The following ECD variants were observed in gnomAD, a reference collection of about 807,000 sequenced individuals.
The protein encoded by ECD is protein ecdysoneless homolog.
Under a neutral mutation model 77.2 loss-of-function variants are expected in ECD, and 59 were observed. That is an observed-to-expected ratio of 0.76 (90% CI 0.62 to 0.95). ECD has a LOEUF of 0.95. Among genes scored for constraint, ECD ranks in the 40% least tolerant of loss-of-function variants. The pLI, the probability that ECD is intolerant of heterozygous loss-of-function variation, is 0.00. For synonymous variants in ECD, 233 were observed against 267.4 expected (o/e 0.87, Z 1.26); for missense variants, 704 against 763.4 (o/e 0.92, Z 0.92).
intron 9 of ECD, among the ~76,000 whole-genome samples, chr10:73,141,703 C>T (rs1843060769): frequency 6.6e-6 from 1 of 151,920 alleles, no homozygotes. Flanking sequence ...TTTATTTTGC[C>T]TTTTGTTATG....
chr10:73,157,345 C>T (rs1226324482), intron 3 of ECD, among the ~76,000 whole-genome samples: 4 of 151,618 alleles, frequency 2.6e-5, no homozygotes, highest in African/African-American at 4.8e-5. Context: ...CCACCACGCC[C>T]GGCCCGTATC....
In ECD at chr10:73,163,820, C is replaced by T. The variant is rs534986528; in HGVS notation, c.118G>A (p.Glu40Lys). ...KHKEILQKYI[E>K]RIITRFAPML... ...GGTGCAAACCGAGTGATTATTCTCT[C>T]AATGTACTTCTGAAGAATCTCTTTA... is the stretch of plus-strand genomic sequence containing the variant. Residue 40 changes from glutamate to lysine, a missense_variant, in exon 2 of 14, where the codon GAG becomes AAG. Glu to Lys is a moderately conservative substitution (Grantham distance 56, BLOSUM62 1). Coordinates refer to ENST00000372979, the MANE Select transcript of ECD (RefSeq NM_007265.3). 3.7e-6 allele frequency: 6 copies of T among 1,614,150 alleles called. No individual in the cohort carries two copies. Among genetic ancestry groups the T allele is most frequent in the Admixed American group, 3.3e-5 (2 of 60,000 alleles).
At position 73,156,260 on chromosome 10, in the gene ECD, T is replaced by G; in HGVS notation, c.590+15A>C. On this transcript the variant is annotated intron_variant, in intron 5 of 13. Coordinates refer to ENST00000372979, the MANE Select transcript of ECD (RefSeq NM_007265.3). ...AAGGTTCCTTAATTAGCAATGAAAG[T>G]GATATTTTTCTTACCCTCTGATGCG... 6.5e-7 allele frequency: 1 copy of G among 1,545,684 alleles called. No individual in the cohort carries two copies. The highest frequency in any genetic ancestry group is 8.7e-7 in the Non-Finnish European group (1 of 1,151,974).
intron 11 of ECD, among the ~76,000 whole-genome samples, chr10:73,138,720 C>T (rs12247503): frequency 1.3e-5 from 2 of 152,108 alleles, no homozygotes; most frequent in African/African-American, 2.4e-5. Context: ...GCGTGCGCCA[C>T]CATACCCGGC....
chr10:73,142,755 C>G (rs145023978), intron 9 of ECD, among the ~76,000 whole-genome samples: 362 of 152,090 alleles, frequency 2.4e-3, no homozygotes, highest in African/African-American at 8.5e-3. Context: ...TATACTTCGG[C>G]ACTTTTCTCT....
Position 73,163,337 on chromosome 10 carries a change from A to G in ECD, c.205+396T>C, listed in dbSNP as rs144626631. 2.5e-3 allele frequency among the ~76,000 whole-genome samples: 374 copies of G among 152,318 alleles called. 8 individuals are homozygous for G. Among genetic ancestry groups the G allele is most frequent in the African/African-American group, 8.2e-3 (339 of 41,578 alleles). ...ATCCTCACCAAAATGGCTATATGAA[A>G]CAAGGCAGCCTACCAAACACATCAC... On this transcript the variant is annotated intron_variant, in intron 2 of 13. Coordinates refer to ENST00000372979, the MANE Select transcript of ECD (RefSeq NM_007265.3).
In ECD at chr10:73,163,804, C is replaced by T. The variant is rs3812619; in HGVS notation, c.134G>A (p.Arg45Gln). The T allele has an allele frequency of 0.096, 154,978 of 1,613,782 alleles. 12,414 individuals are homozygous for T. Among genetic ancestry groups the T allele is most frequent in the African/African-American group, 0.34 (25,500 of 74,884 alleles). The change falls in exon 2 of 14, where the codon CGG becomes CAG. Residue 45 changes from arginine (R) to glutamine (Q), a missense_variant. By Grantham distance (43) the Arg-to-Gln change is conservative. Coordinates refer to ENST00000372979, the MANE Select transcript of ECD (RefSeq NM_007265.3). ...GTAGGGGACCAGCATAGGTGCAAAC[C>T]GAGTGATTATTCTCTCAATGTACTT... ...LQKYIERIITRFAPMLVPYIW... is the reference protein window; with the variant it reads ...LQKYIERIITQFAPMLVPYIW...
chr10:73,161,908 A>G (rs1843385793), intron 2 of ECD, among the ~76,000 whole-genome samples: 1 of 152,234 alleles, frequency 6.6e-6, no homozygotes, highest in Non-Finnish European at 1.5e-5. Context: ...TTAATATCCC[A>G]CATTAACAGA....
chr10:73,160,651 G>T, intron 2 of ECD, 100 bp from the exon 3 acceptor site: 1 of 846,572 alleles, frequency 1.2e-6, no homozygotes, highest in Non-Finnish European at 1.8e-6. Flanking sequence ...TTGACTGATT[G>T]CTCTAAGTAC....
At chr10:73,157,877 T>C (rs1021167603) in intron 3 of ECD, among the ~76,000 whole-genome samples, 8 of 152,048 alleles carry the variant, frequency 5.3e-5, no homozygotes, top group African/African-American at 1.4e-4. Context: ...ATTTTCTCCC[T>C]TTTTTACACA....
At chr10:73,165,349 TTTTTC>T (rs1316729767) in intron 1 of ECD, among the ~76,000 whole-genome samples, 1 of 151,962 alleles carries the variant, frequency 6.6e-6, no homozygotes, top group Non-Finnish European at 1.5e-5. Flanking sequence ...TTTTCTTTTC[TTTTTC>T]TTTTCTTTTT....
intron 6 of ECD, among the ~76,000 whole-genome samples, chr10:73,153,714 A>G (rs561678808): frequency 2.3e-5 from 3 of 131,976 alleles, no homozygotes; most frequent in African/African-American, 8.8e-5. Flanking sequence ...TGAGAGAGTG[A>G]GACTCTGTCT....
At chr10:73,160,047 G>C (rs186880234) in intron 3 of ECD, among the ~76,000 whole-genome samples, 242 of 151,886 alleles carry the variant, frequency 1.6e-3, no homozygotes, top group African/African-American at 5.5e-3. Flanking sequence ...CACTTTGGGA[G>C]GCCAAGGTGG....
intron 9 of ECD, among the ~76,000 whole-genome samples, chr10:73,144,874 T>C (rs568952611): frequency 7.2e-5 from 11 of 152,168 alleles, no homozygotes; most frequent in Non-Finnish European, 1.5e-4. Flanking sequence ...ATTTATTATA[T>C]AGTTCCAAAT....
intron 3 of ECD, among the ~76,000 whole-genome samples, chr10:73,160,195 A>G (rs1257895165): frequency 6.6e-6 from 1 of 151,562 alleles, no homozygotes; most frequent in East Asian, 2.0e-4. Flanking sequence ...CTGAGGCAGG[A>G]GAATCGCTTG....
chr10:73,136,386 G>A (rs1842974170), intron 13 of ECD, among the ~76,000 whole-genome samples: 1 of 152,010 alleles, frequency 6.6e-6, no homozygotes, highest in Non-Finnish European at 1.5e-5. Context: ...ATCCATTTAA[G>A]CTGTAGTTTT....
intron 1 of ECD, among the ~76,000 whole-genome samples, chr10:73,165,368 T>C (rs1180646702): frequency 6.6e-6 from 1 of 152,070 alleles, no homozygotes; most frequent in Non-Finnish European, 1.5e-5. Flanking sequence ...TCTTTTTTTT[T>C]TGAGATGGAG....
At chr10:73,162,825 C>T (rs1452501844) in intron 2 of ECD, among the ~76,000 whole-genome samples, 1 of 152,196 alleles carries the variant, frequency 6.6e-6, no homozygotes, top group Admixed American at 6.5e-5. Context: ...GGGTATATGT[C>T]TGCTGCTTAA....
At chr10:73,152,603 A>G (rs1843228447) in intron 6 of ECD, among the ~76,000 whole-genome samples, 182 bp from the exon 7 acceptor site, 1 of 152,158 alleles carries the variant, frequency 6.6e-6, no homozygotes, top group Non-Finnish European at 1.5e-5. Flanking sequence ...GATACAACTC[A>G]CATACCATAA....
Sources: allele counts gnomAD v4.1 joint callset (sites outside exome capture counted in the v4.1 genomes callset), GRCh38; gene constraint gnomAD v4.1.1; transcripts MANE v1.5; gene names NCBI Gene and HGNC (gene_info 2026-07-23, HGNC 2026-07-21).